The following JPH3 variants were observed in gnomAD, a reference collection of about 807,000 sequenced individuals.
JPH3 encodes the protein junctophilin 3, also known as junctophilin-3.
JPH3 carries 11 observed loss-of-function variants against 59.6 expected under a neutral mutation model. That is an observed-to-expected ratio of 0.18 (90% CI 0.12 to 0.31). The LOEUF is 0.31. Among genes scored for constraint, JPH3 ranks in the 10% least tolerant of loss-of-function variants. JPH3 has a pLI of 1.00. For synonymous variants in JPH3, 673 were observed against 483.6 expected, an observed-to-expected ratio of 1.39 and a Z score of -5.14; for missense variants, 1,202 against 1,105.7, an observed-to-expected ratio of 1.09 and a Z score of -1.24.
In JPH3 at chr16:87,665,805, G is replaced by A. The variant is rs146701069; in HGVS notation, c.1161-18337G>A. Among the ~76,000 whole-genome samples, 327 of 152,334 alleles carry A rather than the reference G, an allele frequency of 2.1e-3. 1 individual carries two copies. Among genetic ancestry groups the A allele is most frequent in the Non-Finnish European group, 4.1e-3 (279 of 68,028 alleles). ...ATCCCTCTCCCTCTTTGATGAGGCC[G>A]ATGGGGCAAAGACCTTTGCTTCCCA... On this transcript the variant is annotated intron_variant, in intron 2 of 4. Transcript: ENST00000284262.
chr16:87,630,702 C>T (rs2031538651), intron 1 of JPH3, among the ~76,000 whole-genome samples: 1 of 152,096 alleles, frequency 6.6e-6, no homozygotes, highest in Non-Finnish European at 1.5e-5. Context: ...GAGCTTGGAG[C>T]AAAAATCATG....
chr16:87,684,093 G>A (rs1453090619), intron 2 of JPH3, 49 bp from the exon 3 acceptor site: 1 of 1,458,924 alleles, frequency 6.9e-7, no homozygotes, highest in Admixed American at 1.7e-5. Context: ...CCAGACCCCT[G>A]TCACCTGTGC....
At chr16:87,676,033 C>G (rs774849391) in intron 2 of JPH3, among the ~76,000 whole-genome samples, 4 of 152,262 alleles carry the variant, frequency 2.6e-5, no homozygotes, top group Non-Finnish European at 4.4e-5. Context: ...TATGGGGTTT[C>G]TGTCGCAGGC....
chr16:87,659,535 C>T (rs2032634193), intron 2 of JPH3, among the ~76,000 whole-genome samples: 1 of 152,022 alleles, frequency 6.6e-6, no homozygotes, highest in African/African-American at 2.4e-5. Flanking sequence ...CAGTCTGGGC[C>T]AACATGGTGA....
chr16:87,606,535 C>G (rs765822621), intron 1 of JPH3, among the ~76,000 whole-genome samples: 1 of 152,182 alleles, frequency 6.6e-6, no homozygotes, highest in Non-Finnish European at 1.5e-5. Flanking sequence ...CCCCAGCTTG[C>G]ATCCTGGGCT....
chr16:87,644,194 C>G (rs139592549), intron 1 of JPH3, 64 bp from the exon 2 acceptor site: 1 of 1,505,384 alleles, frequency 6.6e-7, no homozygotes, highest in Non-Finnish European at 9.0e-7. Flanking sequence ...CAACCCTGTC[C>G]GTGGCCAGGC....
Position 87,644,971 on chromosome 16 carries a change from G to A in JPH3, c.1096G>A (p.Ala366Thr), listed in dbSNP as rs778836120. ...ASKIREKVDR[A>T]VEAAERAATI... Reference sequence around the variant, plus strand: ...CAAGATCCGCGAGAAGGTGGACCGCGCCGTTGAGGCCGCTGAGCGGGCCGC... The same window carrying A: ...CAAGATCCGCGAGAAGGTGGACCGCACCGTTGAGGCCGCTGAGCGGGCCGC... The change falls in exon 2 of 5, where the codon GCC (alanine) becomes ACC (threonine). Residue 366 changes from alanine to threonine, a missense_variant. Transcript: ENST00000284262. 3.1e-5 allele frequency: 50 copies of A among 1,610,136 alleles called. No individual in the cohort carries two copies. The highest frequency in any genetic ancestry group is 1.7e-4 in the Middle Eastern group (1 of 6,052).
At chr16:87,664,895 C>A (rs1206855920) in intron 2 of JPH3, among the ~76,000 whole-genome samples, 3 of 152,184 alleles carry the variant, frequency 2.0e-5, no homozygotes, top group African/African-American at 7.2e-5. Context: ...GGACCCAGGT[C>A]ACCAGTGCAT....
At chr16:87,683,677 G>A (rs1367909581) in intron 2 of JPH3, among the ~76,000 whole-genome samples, 1 of 151,812 alleles carries the variant, frequency 6.6e-6, no homozygotes, top group East Asian at 1.9e-4. Context: ...CGCGATCTCA[G>A]CTCACTGCAA....
chr16:87,604,641 T>A (rs1597229849), intron 1 of JPH3: 1 of 1,180,680 alleles, frequency 8.5e-7, no homozygotes, highest in South Asian at 1.7e-5. Context: ...TGTGCTCTAG[T>A]CCTCCCCGCC....
intron 4 of JPH3, among the ~76,000 whole-genome samples, chr16:87,691,524 T>C (rs1348200395): frequency 1.3e-5 from 2 of 151,992 alleles, no homozygotes; most frequent in Non-Finnish European, 2.9e-5. Context: ...ATTGGTAGGT[T>C]TATTGTCGAC....
rs538099257 is a variant in JPH3 at position 87,633,912 on chromosome 16, C to G, written c.383-10346C>G. 5.0e-4 allele frequency among the ~76,000 whole-genome samples: 76 copies of G among 151,854 alleles called. 1 individual carries two copies. Among genetic ancestry groups the G allele is most frequent in the African/African-American group, 1.8e-3 (73 of 41,180 alleles). On this transcript the variant is annotated intron_variant, in intron 1 of 4. Coordinates refer to ENST00000284262, the MANE Select transcript of JPH3 (RefSeq NM_020655.4). ...CATAACCCCAAACCCTTGCTTTTGA[C>G]CAAGCAATTTCATTCTAGGAATTTA...
chr16:87,646,060 A>G (rs1436558807), intron 2 of JPH3, among the ~76,000 whole-genome samples: 1 of 152,162 alleles, frequency 6.6e-6, no homozygotes, highest in Non-Finnish European at 1.5e-5. Context: ...GGGGGAGTCC[A>G]TGGGCTGCCC....
chr16:87,632,871 C>T (rs999228675), intron 1 of JPH3, among the ~76,000 whole-genome samples: 6 of 150,672 alleles, frequency 4.0e-5, no homozygotes, highest in East Asian at 3.9e-4. Context: ...CCAGCCTGCA[C>T]GACAGAGCTG....
Position 87,611,759 on chromosome 16 carries a change from A to G in JPH3, c.382+8231A>G, listed in dbSNP as rs2030739182. 1.3e-5 allele frequency among the ~76,000 whole-genome samples: 2 copies of G among 152,168 alleles called. No individual in the cohort carries two copies. Among genetic ancestry groups the G allele is most frequent in the African/African-American group, 4.8e-5 (2 of 41,442 alleles). Reference sequence around the variant, plus strand: ...AGTCTCTGGGCCTGGGATGCCACCCAAGAATTTATATTTCTTACAAATTTC... The same window carrying G: ...AGTCTCTGGGCCTGGGATGCCACCCGAGAATTTATATTTCTTACAAATTTC... On this transcript the variant is annotated intron_variant, in intron 1 of 4. Transcript: ENST00000284262. This position sits in a 1 kb window ranked among gnomAD's most constrained non-coding sequence, Gnocchi z 4.5.
intron 1 of JPH3, among the ~76,000 whole-genome samples, chr16:87,634,330 C>G (rs138823364): frequency 6.6e-6 from 1 of 152,116 alleles, no homozygotes; most frequent in African/African-American, 2.4e-5. Context: ...GGACAGAAAC[C>G]CAGCCAAAGC....
chr16:87,646,080 G>A (rs1043996755), intron 2 of JPH3, among the ~76,000 whole-genome samples: 1 of 152,204 alleles, frequency 6.6e-6, no homozygotes, highest in Non-Finnish European at 1.5e-5. Flanking sequence ...CAGGCAGGAG[G>A]CTTCCCAGGG....
In JPH3 at chr16:87,689,939, G is replaced by A. The variant is rs1169129766; in HGVS notation, c.1579G>A (p.Ala527Thr). Residue 527 changes from alanine (A) to threonine (T), a missense_variant, in exon 4 of 5, where the codon GCC becomes ACC. Physicochemically the swap from Ala to Thr is moderately conservative, Grantham distance 58 (BLOSUM62 0). Coordinates refer to ENST00000284262, the MANE Select transcript of JPH3 (RefSeq NM_020655.4). Reference sequence around the variant, plus strand: ...CCTGGAGGGCCGGGCCGGGGACTGCGCCCGCAGCAGCTGGGGCGAGGAGCA... The same window carrying A: ...CCTGGAGGGCCGGGCCGGGGACTGCACCCGCAGCAGCTGGGGCGAGGAGCA... Reference protein sequence around the residue: ...MLLEGRAGDCARSSWGEEQAG... With the variant: ...MLLEGRAGDCTRSSWGEEQAG... 2 of 1,448,872 alleles carry A rather than the reference G, an allele frequency of 1.4e-6. No homozygotes were observed. The highest frequency in any genetic ancestry group is 1.8e-6 in the Non-Finnish European group (2 of 1,104,750). The allele number at this position is 1,448,872 out of a possible 1,614,324, so 89.8% of individuals were successfully genotyped here. A position where few individuals can be genotyped will look rare whatever the true frequency, so the allele number is the denominator to read the frequency against.
chr16:87,620,479 A>AGAGAGGGAGAGAAGCAGAGG (rs1263775669), intron 1 of JPH3, among the ~76,000 whole-genome samples: 1 of 103,618 alleles, frequency 9.7e-6, no homozygotes, highest in Non-Finnish European at 2.0e-5. Context: ...AGAAGGAGAG[A>AGAGAGGGAGAGAAGCAGAGG]AGAGAGGGAG....
Sources: allele counts gnomAD v4.1 joint callset (sites outside exome capture counted in the v4.1 genomes callset), GRCh38; gene constraint gnomAD v4.1.1; non-coding constraint Gnocchi (gnomAD v3.1); transcripts MANE v1.5; gene names NCBI Gene and HGNC (gene_info 2026-07-23, HGNC 2026-07-21).